The following SPTB variants were observed in gnomAD, a reference collection of about 807,000 sequenced individuals.
SPTB encodes the protein spectrin beta chain, erythrocytic.
A neutral mutation model predicts 256.2 loss-of-function variants in SPTB; 45 were observed. The ratio of observed to expected loss-of-function variants is 0.18; its 90% CI spans 0.14 to 0.23. SPTB has a LOEUF of 0.23. Among genes scored for constraint, SPTB ranks in the 10% least tolerant of loss-of-function variants. The pLI, the probability that SPTB is intolerant of heterozygous loss-of-function variation, is 1.00. For synonymous variants in SPTB, 1,231 were observed against 1,243.1 expected, an observed-to-expected ratio of 0.99 and a Z score of 0.21; for missense variants, 2,715 against 3,040.4, an observed-to-expected ratio of 0.89 and a Z score of 2.52.
intron 2 of SPTB, among the ~76,000 whole-genome samples, chr14:64,822,271 A>G (rs1278898502): frequency 6.7e-6 from 1 of 150,130 alleles, no homozygotes; most frequent in Non-Finnish European, 1.5e-5. Flanking sequence ...AAAAAAAAAA[A>G]TCCCAAGAAT....
At chr14:64,750,418 T>C (rs2081927634) in intron 33 of SPTB, among the ~76,000 whole-genome samples, 1 of 152,202 alleles carries the variant, frequency 6.6e-6, no homozygotes, top group Non-Finnish European at 1.5e-5. Flanking sequence ...TATGGATATA[T>C]TCAATTTTAT....
At chr14:64,805,454 G>A (rs575022608) in intron 2 of SPTB, among the ~76,000 whole-genome samples, 2 of 152,232 alleles carry the variant, frequency 1.3e-5, no homozygotes, top group African/African-American at 2.4e-5. Flanking sequence ...TATTCGCTCT[G>A]CCTAGAATGC....
chr14:64,766,475 C>T (rs543583423), intron 32 of SPTB: 9 of 1,430,258 alleles, frequency 6.3e-6, no homozygotes, highest in African/African-American at 5.8e-5. Flanking sequence ...AAACTAATAA[C>T]GTCATGTCAC....
intron 20 of SPTB, among the ~76,000 whole-genome samples, chr14:64,780,255 A>C (rs1378509678): frequency 6.6e-6 from 1 of 152,230 alleles, no homozygotes; most frequent in Admixed American, 6.5e-5. Context: ...GTGCTCAAAG[A>C]AATCAGAGAA....
chr14:64,865,163 C>G (rs943955966), intron 1 of SPTB, among the ~76,000 whole-genome samples: 4 of 152,030 alleles, frequency 2.6e-5, no homozygotes, highest in Non-Finnish European at 5.9e-5. Flanking sequence ...AGAAAGCATT[C>G]CCACCGTCTT....
At chr14:64,811,043 T>G (rs2083079022) in intron 2 of SPTB, among the ~76,000 whole-genome samples, 1 of 152,008 alleles carries the variant, frequency 6.6e-6, no homozygotes, top group African/African-American at 2.4e-5. Context: ...TTGAGCTCAG[T>G]TTGAGGCTGT....
chr14:64,839,863 C>T (rs532886809), intron 1 of SPTB, among the ~76,000 whole-genome samples: 96 of 152,116 alleles, frequency 6.3e-4, no homozygotes, highest in Admixed American at 1.6e-3. Context: ...TAAATAAGTG[C>T]CATAGAATTT....
chr14:64,805,094 G>T lies in SPTB; in HGVS notation c.149-4C>A. 1.2e-6 allele frequency: 2 copies of T among 1,614,196 alleles called. No homozygotes were observed. Among genetic ancestry groups the T allele is most frequent in the Non-Finnish European group, 1.7e-6 (2 of 1,180,028 alleles). On this transcript the variant is annotated splice_polypyrimidine_tract_variant and splice_region_variant and intron_variant, in intron 2 of 35. Transcript: ENST00000644917. The stretch of plus-strand genomic sequence containing the variant: ...TTCTGAACAACTTCCCGCTCATCTA[G>T]GTGGAGAGAAGAACCTTGGTGAGGT...
intron 1 of SPTB, among the ~76,000 whole-genome samples, chr14:64,863,786 T>G (rs893836238): frequency 6.6e-6 from 1 of 152,250 alleles, no homozygotes; most frequent in African/African-American, 2.4e-5. Flanking sequence ...ACAGTGAGAA[T>G]AGCATCGGCT....
chr14:64,861,549 A>G (rs1322573578), intron 1 of SPTB, among the ~76,000 whole-genome samples: 1 of 152,124 alleles, frequency 6.6e-6, no homozygotes, highest in African/African-American at 2.4e-5. Flanking sequence ...AGAGATTTCC[A>G]GCATCTACCA....
In SPTB at chr14:64,793,170, T is replaced by C. The variant is rs2082704900; in HGVS notation, c.2493A>G (p.Gln831=). Residue 831 remains glutamine, a synonymous_variant, in exon 14 of 36, where the codon CAA becomes CAG. Coordinates refer to ENST00000644917, the MANE Select transcript of SPTB (RefSeq NM_001355436.2). The surrounding 1 kb of genome is among the most constrained non-coding windows in gnomAD (Gnocchi z 7.0). ...GCAGGTCCGCCTGGGCCACCACCTG[T>C]TGGTAGAGCTCCCGCAGGGCCTGCA... ...HRLQALRELY[Q]QVVAQADLRQ... is the part of the protein sequence containing the mutation. 4 of 1,613,786 alleles carry C rather than the reference T, an allele frequency of 2.5e-6. No individual in the cohort carries two copies. The highest frequency in any genetic ancestry group is 1.6e-4 in the Middle Eastern group (1 of 6,084).
rs1050738099 is a variant in SPTB, at chr14:64,866,186, C to T, written c.-52+13606G>A. ...CTTCACTATGGCACCTAGTAATCCT[C>T]GAGATGGGGTGATGATCACTAGCAT... On this transcript the variant is annotated intron_variant, in intron 1 of 35. Transcript: ENST00000644917. The surrounding 1 kb of genome is among the most constrained non-coding windows in gnomAD (Gnocchi z 4.6). Among the ~76,000 whole-genome samples the T allele has an allele frequency of 2.0e-5, 3 of 152,186 alleles. No individual in the cohort carries two copies. Among genetic ancestry groups the T allele is most frequent in the Admixed American group, 6.5e-5 (1 of 15,274 alleles).
At chr14:64,851,211 G>C (rs757328293) in intron 1 of SPTB, among the ~76,000 whole-genome samples, 10 of 152,190 alleles carry the variant, frequency 6.6e-5, no homozygotes, top group Non-Finnish European at 8.8e-5. Flanking sequence ...GCAGTACAAG[G>C]ATTAAGAGGC....
At position 64,772,303 on chromosome 14, in the gene SPTB, G is replaced by A. The variant is rs1165325942; in HGVS notation, c.5553+277C>T. On this transcript the variant is annotated intron_variant, in intron 26 of 35. Coordinates refer to ENST00000644917, the MANE Select transcript of SPTB (RefSeq NM_001355436.2). This position sits in a 1 kb window ranked among gnomAD's most constrained non-coding sequence, Gnocchi z 5.4. ...GAGCACCTGGTGCTAGAAAAGTGCT[G>A]TGCGTGTGTCCACTAATAGTACTGC... 6.6e-6 allele frequency among the ~76,000 whole-genome samples: 1 copy of A among 152,250 alleles called. No individual in the cohort carries two copies. The highest frequency in any genetic ancestry group is 2.4e-5 in the African/African-American group (1 of 41,468).
intron 13 of SPTB, 82 bp downstream of exon 13, chr14:64,794,385 G>A: frequency 6.4e-7 from 1 of 1,567,848 alleles, no homozygotes; most frequent in Non-Finnish European, 8.8e-7. Flanking sequence ...GGTTCCAGGA[G>A]ATTTATCCAA....
intron 1 of SPTB, among the ~76,000 whole-genome samples, chr14:64,830,664 C>T (rs892674187): frequency 1.3e-5 from 2 of 152,084 alleles, no homozygotes; most frequent in African/African-American, 4.8e-5. Context: ...CATCTCTTCC[C>T]ACTTGGTCCA....
intron 15 of SPTB, among the ~76,000 whole-genome samples, chr14:64,787,421 G>C (rs1412595566): frequency 6.6e-6 from 1 of 152,212 alleles, no homozygotes. Flanking sequence ...CCAACCATAA[G>C]TAAAGGAACA....
Position 64,786,035 on chromosome 14 carries a change from A to G in SPTB, c.3562-84T>C, listed in dbSNP as rs1184799263. On this transcript the variant is annotated intron_variant, in intron 16 of 35. Transcript: ENST00000644917. This position sits in a 1 kb window ranked among gnomAD's most constrained non-coding sequence, Gnocchi z 5.6. The stretch of plus-strand genomic sequence containing the variant: ...CCTCCCAAGTGGGAGCACCACGTGC[A>G]GCCACACAGGCCACGGTATGAATGA... 3 of 1,399,286 alleles carry G rather than the reference A, an allele frequency of 2.1e-6. No homozygotes were observed. The East Asian group carries it at 6.8e-5, about 32-fold the overall frequency. 86.7% of individuals were successfully genotyped at this position (1,399,286 alleles called of 1,614,324 possible).
intron 15 of SPTB, 29 bp from the exon 16 acceptor site, chr14:64,787,189 G>C: frequency 1.2e-6 from 2 of 1,600,622 alleles, no homozygotes; most frequent in Non-Finnish European, 1.7e-6. Flanking sequence ...GCCCGGAGGA[G>C]AGAGACACCT....
Sources: gnomAD v4.1 joint callset for allele counts (sites outside exome capture counted in the v4.1 genomes callset) on GRCh38, gnomAD v4.1.1 for gene constraint, Gnocchi (gnomAD v3.1) non-coding constraint, MANE v1.5 for transcripts, NCBI Gene and HGNC (gene_info 2026-07-23, HGNC 2026-07-21) for gene names.